The following EFCAB6 variants were observed in gnomAD, a reference collection of about 807,000 sequenced individuals.
The protein encoded by EFCAB6 is EF-hand calcium-binding domain-containing protein 6.
In EFCAB6, 156 loss-of-function variants were observed where a neutral mutation model predicts 169.8. That is an observed-to-expected ratio of 0.92 (90% CI 0.81 to 1.05). The LOEUF is 1.05. Among genes scored for constraint, EFCAB6 ranks in the 50% least tolerant of loss-of-function variants. The pLI is 0.00. For missense variants in EFCAB6, 1,800 were observed against 1,829.1 expected, an observed-to-expected ratio of 0.98 and a Z score of 0.29; for synonymous variants, 698 against 676.4, an observed-to-expected ratio of 1.03 and a Z score of -0.50.
At chr22:43,530,534 GGAACCTGGGCTCAGGCACT>G in intron 31 of EFCAB6, 6 of 985,452 alleles carry the variant, frequency 6.1e-6, no homozygotes, top group Non-Finnish European at 7.2e-6. Context: ...AGTGCCTTAA[GGAACCTGGGCTCAGGCACT>G]GACCCTGAGG....
chr22:43,676,853 C>T (rs2057783524), intron 13 of EFCAB6, among the ~76,000 whole-genome samples: 1 of 152,166 alleles, frequency 6.6e-6, no homozygotes, highest in Non-Finnish European at 1.5e-5. Context: ...TTGCATTTTG[C>T]ACAGAAACCA....
intron 10 of EFCAB6, among the ~76,000 whole-genome samples, chr22:43,705,444 G>A (rs1370622777): frequency 6.6e-6 from 1 of 151,998 alleles, no homozygotes; most frequent in African/African-American, 2.4e-5. Flanking sequence ...AGCGCAAATG[G>A]AACATTCTCC....
At chr22:43,736,985 C>T (rs906142542) in intron 6 of EFCAB6, among the ~76,000 whole-genome samples, 2 of 152,054 alleles carry the variant, frequency 1.3e-5, no homozygotes, top group African/African-American at 2.4e-5. Flanking sequence ...CACACTCCTC[C>T]ATGCCTCTCA....
At chr22:43,725,003 A>T (rs913489164) in intron 8 of EFCAB6, among the ~76,000 whole-genome samples, 3 of 152,198 alleles carry the variant, frequency 2.0e-5, no homozygotes, top group African/African-American at 7.2e-5. Flanking sequence ...TATATTTCTT[A>T]TAGTTCTGGA....
chr22:43,529,281 G>A (rs2046918085), intron 31 of EFCAB6, among the ~76,000 whole-genome samples: 1 of 152,242 alleles, frequency 6.6e-6, no homozygotes, highest in Non-Finnish European at 1.5e-5. Context: ...TCAGAGAGGT[G>A]GGGGCTCAAG....
intron 4 of EFCAB6, among the ~76,000 whole-genome samples, chr22:43,772,546 C>A (rs1473752597): frequency 6.6e-6 from 1 of 151,416 alleles, no homozygotes; most frequent in Non-Finnish European, 1.5e-5. Flanking sequence ...GAGGCTGAGG[C>A]CAGAGAATTG....
chr22:43,701,524 T>G (rs1189196962), intron 10 of EFCAB6, among the ~76,000 whole-genome samples: 2 of 152,056 alleles, frequency 1.3e-5, no homozygotes, highest in East Asian at 3.9e-4. Flanking sequence ...GAAATTTAGA[T>G]TGATGAAACA....
intron 17 of EFCAB6, among the ~76,000 whole-genome samples, chr22:43,658,788 G>T (rs1409206771): frequency 6.6e-6 from 1 of 152,040 alleles, no homozygotes; most frequent in Non-Finnish European, 1.5e-5. Flanking sequence ...CAAAACTGAA[G>T]ATGTGAGGGA....
intron 27 of EFCAB6, among the ~76,000 whole-genome samples, chr22:43,549,469 TAA>T (rs1012226013): frequency 6.6e-6 from 1 of 152,196 alleles, no homozygotes; most frequent in African/African-American, 2.4e-5. Flanking sequence ...GTAGAAAAGA[TAA>T]GTCACCCAAA....
rs2051399667 is a variant in EFCAB6 at position 43,590,376 on chromosome 22, T to C, written c.2877-147A>G. The stretch of plus-strand genomic sequence containing the variant: ...AAGATGTTTTACAGCCTCAGTGTAA[T>C]ACTGACATTAAAAGATATCCCAGAA... On this transcript the variant is annotated intron_variant, in intron 23 of 31. Transcript: ENST00000262726. The C allele has an allele frequency of 5.0e-6, 4 of 798,534 alleles. No homozygotes were observed. The Admixed American group carries it at 1.4e-4, about 27-fold the overall frequency. The allele number at this position is 798,534 out of a possible 1,614,324, so 49.5% of individuals were successfully genotyped here. A position where few individuals can be genotyped will look rare whatever the true frequency, so the allele number is the denominator to read the frequency against.
At chr22:43,664,218 C>G (rs1290357578) in intron 17 of EFCAB6, among the ~76,000 whole-genome samples, 4 of 152,176 alleles carry the variant, frequency 2.6e-5, no homozygotes, top group Admixed American at 2.6e-4. Context: ...GGTGTAGGAA[C>G]CAGCTTCAAA....
At chr22:43,698,025 T>C (rs2058638902) in intron 10 of EFCAB6, among the ~76,000 whole-genome samples, 1 of 152,180 alleles carries the variant, frequency 6.6e-6, no homozygotes, top group South Asian at 2.1e-4. Context: ...AGGGGGACTC[T>C]GGATACCTTT....
At chr22:43,756,045 G>T (rs1411914999) in intron 5 of EFCAB6, among the ~76,000 whole-genome samples, 2 of 152,084 alleles carry the variant, frequency 1.3e-5, no homozygotes, top group Non-Finnish European at 2.9e-5. Context: ...AAATATAGTA[G>T]CATTTACTCC....
chr22:43,773,204 G>C, intron 3 of EFCAB6, 101 bp from the exon 4 acceptor site: 1 of 1,144,910 alleles, frequency 8.7e-7, no homozygotes. Flanking sequence ...TTATTAGATG[G>C]TATTTCTCCC....
At chr22:43,767,773 C>T (rs2061360296) in intron 4 of EFCAB6, among the ~76,000 whole-genome samples, 2 of 152,170 alleles carry the variant, frequency 1.3e-5, no homozygotes, top group African/African-American at 4.8e-5. Flanking sequence ...TTTCATATTG[C>T]TACTTATAGT....
At chr22:43,548,960 T>C (rs1443933950) in intron 27 of EFCAB6, among the ~76,000 whole-genome samples, 1 of 152,190 alleles carries the variant, frequency 6.6e-6, no homozygotes, top group Non-Finnish European at 1.5e-5. Flanking sequence ...TGGAGTTAAT[T>C]GGTAAATTAA....
chr22:43,585,459 A>G (rs1008250603), intron 24 of EFCAB6, among the ~76,000 whole-genome samples: 2 of 152,202 alleles, frequency 1.3e-5, no homozygotes, highest in Non-Finnish European at 2.9e-5. Flanking sequence ...TGGATAGGAC[A>G]AGATATCCAA....
At chr22:43,697,885 C>A (rs1217638178) in intron 10 of EFCAB6, among the ~76,000 whole-genome samples, 1 of 152,090 alleles carries the variant, frequency 6.6e-6, no homozygotes, top group Non-Finnish European at 1.5e-5. Flanking sequence ...CTAATCCATT[C>A]GACAGATGGA....
chr22:43,732,519 G>A (rs1204803624), intron 7 of EFCAB6, among the ~76,000 whole-genome samples: 2 of 138,200 alleles, frequency 1.4e-5, no homozygotes, highest in African/African-American at 5.4e-5. Context: ...CCAGGCTAGA[G>A]TGTGGTGCTG....
Sources: gnomAD v4.1 joint callset for allele counts (sites outside exome capture counted in the v4.1 genomes callset) on GRCh38, gnomAD v4.1.1 for gene constraint, MANE v1.5 for transcripts, NCBI Gene and HGNC (gene_info 2026-07-23, HGNC 2026-07-21) for gene names.